MTTP: variants seen among roughly 807,000 people sequenced by gnomAD.
MTTP encodes microsomal triglyceride transfer protein.
A neutral mutation model predicts 90.6 loss-of-function variants in MTTP; 49 were observed. That is an observed-to-expected ratio of 0.54 (90% CI 0.43 to 0.69). MTTP has a LOEUF of 0.69. Ranked by LOEUF, MTTP falls within the 30% of genes least tolerant of loss-of-function variation. The pLI is 0.00. For missense variants in MTTP, 945 were observed against 1,067.5 expected (o/e 0.89, Z 1.60); for synonymous variants, 347 against 384.2 (o/e 0.90, Z 1.13).
At chr4:99,570,422 A>G (rs938402719), upstream of MTTP, among the ~76,000 whole-genome samples, 1 of 151,808 alleles carries the variant, frequency 6.6e-6, no homozygotes, top group Non-Finnish European at 1.5e-5. Flanking sequence ...CTCTCTATCT[A>G]GTTCCTTTAA....
chr4:99,604,066 A>C (rs931982851), intron 10 of MTTP, among the ~76,000 whole-genome samples: 1 of 152,140 alleles, frequency 6.6e-6, no homozygotes, highest in Admixed American at 6.6e-5. Flanking sequence ...CTACAGAAGA[A>C]CTGTAGTAAA....
intron 1 of MTTP, among the ~76,000 whole-genome samples, chr4:99,569,695 A>T (rs1724791976): frequency 6.6e-6 from 1 of 152,038 alleles, no homozygotes; most frequent in African/African-American, 2.4e-5. Flanking sequence ...TAAGGTGTTC[A>T]GTGAATATTG....
chr4:99,572,005 G>T (rs1290512084), upstream of MTTP, among the ~76,000 whole-genome samples: 4 of 151,508 alleles, frequency 2.6e-5, no homozygotes. Flanking sequence ...ATCTAGTAGG[G>T]TAATACATTT....
rs1725074116 is a variant in MTTP, at chr4:99,580,356, C to A, written c.62-1549C>A. ...TTGGGAGGCCGAGGTGGGTGGATTACCTGAGGTTAGGAGTTCAAGACCAGC... is the reference window on the plus strand; with the variant it reads ...TTGGGAGGCCGAGGTGGGTGGATTAACTGAGGTTAGGAGTTCAAGACCAGC... On this transcript the variant is annotated intron_variant, in intron 1 of 17. Coordinates refer to ENST00000265517, the MANE Select transcript of MTTP (RefSeq NM_001386140.1). Among the ~76,000 whole-genome samples, 3 of 151,312 alleles carry A rather than the reference C, an allele frequency of 2.0e-5. No individual in the cohort carries two copies. In the South Asian group the frequency reaches 6.3e-4, roughly 32 times the overall value.
intron 17 of MTTP, among the ~76,000 whole-genome samples, chr4:99,621,441 T>C (rs1309841976): frequency 1.3e-5 from 2 of 152,194 alleles, no homozygotes; most frequent in Non-Finnish European, 2.9e-5. Context: ...GACTAGTTCA[T>C]TTGATTCTGG....
intron 17 of MTTP, among the ~76,000 whole-genome samples, chr4:99,622,282 T>TAAA (rs1337982662): frequency 3.9e-5 from 6 of 152,160 alleles, no homozygotes; most frequent in African/African-American, 1.4e-4. Flanking sequence ...GCTCTTAGAA[T>TAAA]GTTTCTCTGT....
chr4:99,564,343 T>A, intron 1 of MTTP: 5 of 1,061,520 alleles, frequency 4.7e-6, no homozygotes, highest in Non-Finnish European at 6.6e-6. Flanking sequence ...AAAACATCTC[T>A]TGCCTATATT....
At chr4:99,593,355 T>TA (rs886066528) in intron 6 of MTTP, among the ~76,000 whole-genome samples, 2 of 152,078 alleles carry the variant, frequency 1.3e-5, no homozygotes, top group Admixed American at 6.6e-5. Context: ...AATATTAAGG[T>TA]AAAAAAGTGG....
intron 3 of MTTP, among the ~76,000 whole-genome samples, chr4:99,585,574 A>G (rs1040811185): frequency 2.6e-5 from 4 of 152,116 alleles, no homozygotes; most frequent in Admixed American, 6.6e-5. Flanking sequence ...TGAGCTTCCA[A>G]TGTGGCAAGA....
chr4:99,620,783 C>T lies in MTTP; in HGVS notation c.2343-278C>T. The stretch of plus-strand genomic sequence containing the variant: ...CATTTTGGTCTTTGTTATGCCCATA[C>T]AAAACAATGTAGTATCTTACAGACA... On this transcript the variant is annotated intron_variant, in intron 16 of 17. Transcript: ENST00000265517. 1.9e-5 allele frequency: 8 copies of T among 424,284 alleles called. No homozygotes were observed. The South Asian group carries it at 2.4e-4, about 13-fold the overall frequency. 26.3% of individuals were successfully genotyped at this position (424,284 alleles called of 1,614,324 possible).
chr4:99,597,798 G>C (rs1578245027), intron 8 of MTTP, among the ~76,000 whole-genome samples: 1 of 152,182 alleles, frequency 6.6e-6, no homozygotes, highest in East Asian at 1.9e-4. Flanking sequence ...GTAATAAACA[G>C]AGTTGACTTA....
chr4:99,594,831 C>T lies in MTTP; in HGVS notation c.857C>T (p.Ala286Val). The change falls in exon 7 of 18, where the codon GCC becomes GTC. Residue 286 changes from alanine to valine, a missense_variant. By Grantham distance (64) the Ala-to-Val change is moderately conservative (BLOSUM62 0). Coordinates refer to ENST00000265517, the MANE Select transcript of MTTP (RefSeq NM_001386140.1). The part of the protein sequence containing the change: ...IIKAVDSKYT[A>V]IPIVGQVFQS... ...AAAGCAGTTGATTCAAAGTACACGG[C>T]CATTCCCATTGTGGGGCAGGTCTTC... The T allele has an allele frequency of 6.2e-7, 1 of 1,614,034 alleles. No homozygotes were observed. Among genetic ancestry groups the T allele is most frequent in the African/African-American group, 1.3e-5 (1 of 75,022 alleles).
At chr4:99,572,659 G>T (rs565071391), upstream of MTTP, among the ~76,000 whole-genome samples, 4 of 152,030 alleles carry the variant, frequency 2.6e-5, no homozygotes, top group Non-Finnish European at 5.9e-5. Flanking sequence ...CTTTGCTTCT[G>T]CCCTGCTTCA....
At chr4:99,611,288 A>G in intron 13 of MTTP, 44 bp from the exon 14 acceptor site, 1 of 1,613,932 alleles carries the variant, frequency 6.2e-7, no homozygotes. Flanking sequence ...ACAACTTAGC[A>G]TTGCTGGAAC....
At chr4:99,584,775 A>C (rs1211454516) in intron 3 of MTTP, among the ~76,000 whole-genome samples, 1 of 151,350 alleles carries the variant, frequency 6.6e-6, no homozygotes, top group Non-Finnish European at 1.5e-5. Flanking sequence ...ATTTGTGTTC[A>C]TTGCTAGATT....
intron 1 of MTTP, among the ~76,000 whole-genome samples, chr4:99,569,652 A>G (rs1345620504): frequency 3.3e-5 from 5 of 152,018 alleles, no homozygotes; most frequent in Admixed American, 1.3e-4. Flanking sequence ...TGCAAGCACA[A>G]ACTATATTCC....
intron 9 of MTTP, among the ~76,000 whole-genome samples, chr4:99,601,084 A>T (rs1725684816): frequency 6.6e-6 from 1 of 152,140 alleles, no homozygotes; most frequent in Non-Finnish European, 1.5e-5. Flanking sequence ...AATTCTCATG[A>T]TATTTAATAC....
rs116201668 is a variant in MTTP at position 99,589,057 on chromosome 4, A to G, written c.394-586A>G. 1.6e-3 allele frequency among the ~76,000 whole-genome samples: 169 copies of G among 106,806 alleles called. 9 individuals are homozygous for G. Among genetic ancestry groups the G allele is most frequent in the African/African-American group, 7.5e-3 (148 of 19,780 alleles). The allele number at this position is 106,806 out of a possible 152,430, so 70.1% of individuals were successfully genotyped here. On this transcript the variant is annotated intron_variant, in intron 3 of 17. Coordinates refer to ENST00000265517, the MANE Select transcript of MTTP (RefSeq NM_001386140.1). ...CACACATATATATGTTCATATATAT[A>G]TTCATATATATATATATTTTTTTTT...
chr4:99,611,192 C>T lies in MTTP; in HGVS notation c.1819C>T (p.Arg607Cys), dbSNP rs749466528. Reference protein sequence around the residue: ...LKEMVAHNYDRFSRSGSSSAY... With the variant: ...LKEMVAHNYDCFSRSGSSSAY... ...GGAAATGGTCGCTCACAATTATGAC[C>T]GTTTCTCCAGGAGTGGATCTTCTTC... Residue 607 changes from arginine to cysteine, a missense_variant, in exon 13 of 18, where the codon CGT (arginine) becomes TGT (cysteine). Physicochemically the swap from Arg to Cys is radical, Grantham distance 180 (BLOSUM62 -3). Transcript: ENST00000265517. 1.9e-6 allele frequency: 3 copies of T among 1,613,818 alleles called. No homozygotes were observed. Among genetic ancestry groups the T allele is most frequent in the African/African-American group, 1.3e-5 (1 of 74,866 alleles).
Sources: gnomAD v4.1 joint callset for allele counts (sites outside exome capture counted in the v4.1 genomes callset) on GRCh38, gnomAD v4.1.1 for gene constraint, MANE v1.5 for transcripts, NCBI Gene and HGNC (gene_info 2026-07-23, HGNC 2026-07-21) for gene names.